RGPD3: variants seen among roughly 807,000 people sequenced by gnomAD.
RGPD3 encodes RANBP2 like and GRIP domain containing 3, also known as ranBP2-like and GRIP domain-containing protein 3.
A neutral mutation model predicts 154.5 loss-of-function variants in RGPD3; 62 were observed. The ratio of observed to expected loss-of-function variants is 0.40; its 90% CI spans 0.33 to 0.50. The LOEUF (loss-of-function observed/expected upper bound fraction) is 0.50. Among genes scored for constraint, RGPD3 ranks in the 20% least tolerant of loss-of-function variants. The pLI is 0.59. For missense variants in RGPD3, 919 were observed against 1,716.8 expected (o/e 0.54, Z 8.21); for synonymous variants, 308 against 607.0 (o/e 0.51, Z 7.24).
chr2:106,465,290 A>T (rs1234378513), intron 1 of RGPD3, among the ~76,000 whole-genome samples: 2 of 152,154 alleles, frequency 1.3e-5, no homozygotes, highest in Non-Finnish European at 2.9e-5. Context: ...ATAGCTTCAC[A>T]TGTTCCAAAG....
At position 106,424,983 on chromosome 2, in the gene RGPD3, C is replaced by A; in HGVS notation, c.2984G>T (p.Gly995Val). Residue 995 changes from glycine (G) to valine (V), a missense_variant, in exon 20 of 23, where the codon GGA (glycine) becomes GTA (valine). Gly to Val is a moderately radical substitution (Grantham distance 109). Coordinates refer to ENST00000409886, the MANE Select transcript of RGPD3 (RefSeq NM_001144013.2). Reference protein sequence around the residue: ...QFGKKDLNFKGFSGAGEKLFS... With the variant: ...QFGKKDLNFKVFSGAGEKLFS... Reference sequence around the variant, plus strand: ...TAATTTTTCTCCAGCACCTGAAAATCCCTTGAAATTGAGGTCTTTTTTGCC... The same window carrying A: ...TAATTTTTCTCCAGCACCTGAAAATACCTTGAAATTGAGGTCTTTTTTGCC... 6.2e-7 allele frequency: 1 copy of A among 1,611,852 alleles called. No homozygotes were observed. Among genetic ancestry groups the A allele is most frequent in the Non-Finnish European group, 8.5e-7 (1 of 1,179,822 alleles).
chr2:106,425,368 C>T lies in RGPD3; in HGVS notation c.2701-102G>A, dbSNP rs1376726208. 35 of 1,544,458 alleles carry T rather than the reference C, an allele frequency of 2.3e-5. No individual in the cohort carries two copies. The Admixed American group carries it at 6.2e-4, about 27-fold the overall frequency. On this transcript the variant is annotated intron_variant, in intron 19 of 22. Transcript: ENST00000409886. Reference sequence around the variant, plus strand: ...TAAACAATTTATCAAATGATGTTAACAATAATGATGATGATGATGATGATA... The same window carrying T: ...TAAACAATTTATCAAATGATGTTAATAATAATGATGATGATGATGATGATA...
At chr2:106,467,735 C>T (rs1382583853) in intron 1 of RGPD3, among the ~76,000 whole-genome samples, 2 of 139,428 alleles carry the variant, frequency 1.4e-5, no homozygotes, top group Admixed American at 7.0e-5. Context: ...CTCAACAGAG[C>T]GCGCCAGGGA....
At chr2:106,466,351 CATCGAGGCCGCCGCCGGGCCGG>C (rs1678588949) in intron 1 of RGPD3, among the ~76,000 whole-genome samples, 1 of 150,378 alleles carries the variant, frequency 6.6e-6, no homozygotes, top group African/African-American at 2.4e-5. Context: ...ACGCCTGAGC[CATCGAGGCCGCCGCCGGGCCGG>C]GTCCAGGCCA....
chr2:106,414,582 AC>A (rs1360942676), intron 21 of RGPD3, among the ~76,000 whole-genome samples: 2 of 150,584 alleles, frequency 1.3e-5, no homozygotes, highest in East Asian at 4.0e-4. Context: ...AGATTGCACC[AC>A]TGCACTCCAA....
chr2:106,468,433 T>A (rs372626141), upstream of RGPD3: 7,811 of 1,480,312 alleles, frequency 5.3e-3, 424 homozygotes, highest in South Asian at 0.092. Flanking sequence ...GTGTCCTGCG[T>A]CAACAGTGTG....
rs1340873082 is a variant in RGPD3 at position 106,468,393 on chromosome 2, T to A, written c.-105A>T. On this transcript the variant is annotated 5_prime_UTR_variant, in exon 1 of 23. Transcript: ENST00000409886. Reference sequence around the variant, plus strand: ...CCTGAAAGCCACTGAGGCAGCGGCGTAGCCGGCGGAGGACCACTGTGACGA... The same window carrying A: ...CCTGAAAGCCACTGAGGCAGCGGCGAAGCCGGCGGAGGACCACTGTGACGA... The A allele has an allele frequency of 2.6e-6, 4 of 1,537,060 alleles. No homozygotes were observed. In the East Asian group the frequency reaches 7.5e-5, roughly 29 times the overall value.
chr2:106,437,692 G>A (rs1466117360), intron 9 of RGPD3, among the ~76,000 whole-genome samples: 1 of 151,970 alleles, frequency 6.6e-6, no homozygotes, highest in Non-Finnish European at 1.5e-5. Context: ...TTTTGTTGAA[G>A]TTTTTATCAG....
chr2:106,463,689 G>T (rs1251968712), intron 1 of RGPD3, among the ~76,000 whole-genome samples: 1 of 151,204 alleles, frequency 6.6e-6, no homozygotes, highest in African/African-American at 2.4e-5. Flanking sequence ...ACCCAATCCA[G>T]GTTGGAGAAG....
chr2:106,434,035 C>G (rs1677457959), intron 15 of RGPD3, among the ~76,000 whole-genome samples, 193 bp downstream of exon 15: 1 of 138,330 alleles, frequency 7.2e-6, no homozygotes, highest in African/African-American at 2.7e-5. Context: ...CCTAGATTCC[C>G]AAGTTTAAAA....
chr2:106,408,576 A>G (rs1676577991), intron 22 of RGPD3, among the ~76,000 whole-genome samples: 1 of 138,760 alleles, frequency 7.2e-6, no homozygotes, highest in Admixed American at 7.4e-5. Flanking sequence ...ACTCATGTAT[A>G]TATGTAGAGT....
chr2:106,409,430 T>TA (rs1359551143), intron 22 of RGPD3, among the ~76,000 whole-genome samples: 3 of 152,064 alleles, frequency 2.0e-5, no homozygotes, highest in African/African-American at 7.2e-5. Flanking sequence ...GGCAGATTCT[T>TA]AAAGTTTTTG....
chr2:106,421,213 A>G (rs1021039801), intron 20 of RGPD3, among the ~76,000 whole-genome samples: 13 of 152,136 alleles, frequency 8.5e-5, no homozygotes, highest in African/African-American at 2.9e-4. Flanking sequence ...CTTCATTTCT[A>G]AGGTCCCTTG....
intron 21 of RGPD3, among the ~76,000 whole-genome samples, chr2:106,415,039 T>C (rs1380740316): frequency 6.6e-6 from 1 of 152,032 alleles, no homozygotes; most frequent in East Asian, 1.9e-4. Flanking sequence ...ATGACTATAT[T>C]CTGAGGGGTG....
intron 1 of RGPD3, among the ~76,000 whole-genome samples, chr2:106,462,102 C>T (rs979355583): frequency 7.2e-5 from 11 of 152,042 alleles, no homozygotes; most frequent in African/African-American, 2.4e-4. Context: ...CAGATGGTGT[C>T]GCTCTCTCGA....
intron 3 of RGPD3, 77 bp from the exon 4 acceptor site, chr2:106,457,200 T>A (rs2104512274): frequency 2.0e-6 from 3 of 1,527,366 alleles, no homozygotes; most frequent in Non-Finnish European, 2.6e-6. Context: ...CTTATATACT[T>A]ATATATAAAG....
intron 22 of RGPD3, among the ~76,000 whole-genome samples, chr2:106,412,314 T>TG: frequency 1.9e-5 from 2 of 103,770 alleles, no homozygotes; most frequent in Non-Finnish European, 3.9e-5. Context: ...TTTTTTTTTT[T>TG]TTTTTTTTTT....
Position 106,423,839 on chromosome 2 carries a change from T to C in RGPD3, c.4128A>G (p.Glu1376=). ...AAATCTTTATATCACCAATGCCCCT[T>C]TCTTTCCATTGACCAACATCTTTAT... ...RYDKDVGQWK[E]RGIGDIKILQ... The change falls in exon 20 of 23, where the codon GAA becomes GAG. Residue 1376 remains glutamate, a synonymous_variant. Coordinates refer to ENST00000409886, the MANE Select transcript of RGPD3 (RefSeq NM_001144013.2). The C allele has an allele frequency of 6.2e-7, 1 of 1,612,018 alleles. No individual in the cohort carries two copies. Among genetic ancestry groups the C allele is most frequent in the Non-Finnish European group, 8.5e-7 (1 of 1,179,870 alleles).
chr2:106,410,130 C>A (rs1476011773), intron 22 of RGPD3, among the ~76,000 whole-genome samples: 1 of 151,922 alleles, frequency 6.6e-6, no homozygotes, highest in Non-Finnish European at 1.5e-5. Flanking sequence ...CCCTCCTCAG[C>A]CTCCCAAAGT....
Sources: allele counts gnomAD v4.1 joint callset (sites outside exome capture counted in the v4.1 genomes callset), GRCh38; gene constraint gnomAD v4.1.1; transcripts MANE v1.5; gene names NCBI Gene and HGNC (gene_info 2026-07-23, HGNC 2026-07-21).